The following SOX5 variants were observed in gnomAD, a reference collection of about 807,000 sequenced individuals.
SOX5 encodes the protein SRY-box transcription factor 5, also known as transcription factor SOX-5.
In SOX5, 9 loss-of-function variants were observed where a neutral mutation model predicts 92.0. That is an observed-to-expected ratio of 0.10 (90% CI 0.06 to 0.17). SOX5 has a LOEUF of 0.17. Among genes scored for constraint, SOX5 ranks in the 10% least tolerant of loss-of-function variants. The pLI, the probability that SOX5 is intolerant of heterozygous loss-of-function variation, is 1.00. For synonymous variants in SOX5, 344 were observed against 336.3 expected (o/e 1.02, Z -0.25); for missense variants, 642 against 944.5 (o/e 0.68, Z 4.20).
chr12:24,502,166 G>T (rs1003953925), intron 1 of SOX5, among the ~76,000 whole-genome samples: 6 of 152,156 alleles, frequency 3.9e-5, no homozygotes, highest in African/African-American at 1.2e-4. Context: ...AATGCATGGG[G>T]CAAGACTTTA....
At chr12:23,624,010 A>G (rs2077474512) in intron 8 of SOX5, among the ~76,000 whole-genome samples, 1 of 152,172 alleles carries the variant, frequency 6.6e-6, no homozygotes, top group Non-Finnish European at 1.5e-5. Context: ...CAGTCTTAAA[A>G]AGGCATGGAA....
At chr12:23,572,648 A>G (rs1948552287) in intron 10 of SOX5, among the ~76,000 whole-genome samples, 2 of 152,206 alleles carry the variant, frequency 1.3e-5, no homozygotes, top group Admixed American at 6.5e-5. Context: ...ACAACATCAC[A>G]AAAGTTGCTC....
At chr12:23,970,826 T>TATATATATATATATATATATATATATATA (rs1392995616) in intron 4 of SOX5, among the ~76,000 whole-genome samples, 9 of 25,758 alleles carry the variant, frequency 3.5e-4, no homozygotes, top group Non-Finnish European at 6.9e-4. Context: ...ACATGGGACT[T>TATATATATATATATATATATATATATATA]TATATATATA....
intron 4 of SOX5, among the ~76,000 whole-genome samples, chr12:24,167,466 T>A (rs951094865): frequency 6.6e-6 from 1 of 152,212 alleles, no homozygotes; most frequent in Non-Finnish European, 1.5e-5. Flanking sequence ...GCTGAGCTGA[T>A]AAAACCTTCA....
chr12:23,539,921 T>C (rs1331116685), intron 13 of SOX5, among the ~76,000 whole-genome samples: 1 of 152,106 alleles, frequency 6.6e-6, no homozygotes, highest in Non-Finnish European at 1.5e-5. Flanking sequence ...TGGTGGTAAA[T>C]CCAGTTTTCA....
At chr12:23,542,967 A>C (rs1942406674) in intron 13 of SOX5, among the ~76,000 whole-genome samples, 2 of 152,232 alleles carry the variant, frequency 1.3e-5, no homozygotes, top group Admixed American at 6.5e-5. Context: ...TTTTTGAAGA[A>C]GATAAAGCAT....
chr12:23,577,191 A>ATATATTT (rs71059907), intron 9 of SOX5, among the ~76,000 whole-genome samples: 1,194 of 61,294 alleles, frequency 0.019, 68 homozygotes, highest in East Asian at 0.1. Context: ...ATATATATAT[A>ATATATTT]TTTTTTTTTT....
chr12:24,514,641 A>G (rs1949615196), intron 1 of SOX5, among the ~76,000 whole-genome samples: 1 of 152,196 alleles, frequency 6.6e-6, no homozygotes, highest in African/African-American at 2.4e-5. Context: ...TAACAAAGAC[A>G]TGGAATCAAC....
At chr12:23,579,504 TATTA>T (rs1310891851) in intron 9 of SOX5, among the ~76,000 whole-genome samples, 14 of 152,188 alleles carry the variant, frequency 9.2e-5, no homozygotes, top group South Asian at 4.1e-4. Flanking sequence ...ACCAAATGCC[TATTA>T]TTTATGAAGA....
intron 2 of SOX5, among the ~76,000 whole-genome samples, chr12:24,318,547 CT>C (rs1437606818): frequency 1.3e-5 from 2 of 152,136 alleles, no homozygotes; most frequent in African/African-American, 4.8e-5. Flanking sequence ...TTGTTTAAGC[CT>C]TTGTTATTCT....
chr12:24,182,643 G>T (rs1955620576), intron 4 of SOX5, among the ~76,000 whole-genome samples: 1 of 151,718 alleles, frequency 6.6e-6, no homozygotes, highest in South Asian at 2.1e-4. Context: ...TTTAAGGATA[G>T]ATTACTCATA....
At chr12:24,092,419 T>C (rs73275468) in intron 4 of SOX5, among the ~76,000 whole-genome samples, 2,043 of 152,212 alleles carry the variant, frequency 0.013, 42 homozygotes, top group African/African-American at 0.046. Flanking sequence ...ATTCTTCTTA[T>C]TCAGTCTCAG....
intron 6 of SOX5, among the ~76,000 whole-genome samples, chr12:23,666,320 T>C (rs192927713): frequency 6.6e-6 from 1 of 152,262 alleles, no homozygotes; most frequent in East Asian, 1.9e-4. Context: ...ATCTTTGGAA[T>C]ATACTCTAAT....
At chr12:23,576,189 G>GTT (rs34231615) in intron 9 of SOX5, among the ~76,000 whole-genome samples, 48 of 149,418 alleles carry the variant, frequency 3.2e-4, no homozygotes, top group East Asian at 4.0e-4. Flanking sequence ...ATGTAGGTAG[G>GTT]TTTTTTTTTT....
chr12:23,766,028 T>A (rs1447689257), intron 3 of SOX5, among the ~76,000 whole-genome samples: 1 of 152,164 alleles, frequency 6.6e-6, no homozygotes, highest in East Asian at 1.9e-4. Context: ...AATGTTTCAT[T>A]TATTGACGCA....
intron 3 of SOX5, among the ~76,000 whole-genome samples, chr12:23,760,759 A>C (rs2141324975): frequency 6.6e-6 from 1 of 152,162 alleles, no homozygotes; most frequent in African/African-American, 2.4e-5. Flanking sequence ...AGACCTAGAG[A>C]CTCATGCCAA....
intron 4 of SOX5, among the ~76,000 whole-genome samples, chr12:24,141,580 A>G (rs1950586864): frequency 6.6e-6 from 1 of 152,198 alleles, no homozygotes; most frequent in Non-Finnish European, 1.5e-5. Flanking sequence ...TCAGGAGCCA[A>G]ATGACGTTCT....
intron 4 of SOX5, among the ~76,000 whole-genome samples, chr12:24,199,422 A>T (rs944010778): frequency 4.3e-4 from 66 of 152,332 alleles, no homozygotes; most frequent in African/African-American, 1.6e-3. Flanking sequence ...TCTGAGTCAT[A>T]CATTGAACCA....
chr12:24,357,550 C>T (rs1002207785), intron 2 of SOX5: 1 of 152,286 alleles, frequency 6.6e-6, no homozygotes, highest in Non-Finnish European at 1.5e-5. Context: ...ACAATTGAAA[C>T]TGTACGCCTC....
Sources: allele counts gnomAD v4.1 joint callset (sites outside exome capture counted in the v4.1 genomes callset), GRCh38; gene constraint gnomAD v4.1.1; transcripts MANE v1.5; gene names NCBI Gene and HGNC (gene_info 2026-07-23, HGNC 2026-07-21).